SBF2: variants seen among roughly 807,000 people sequenced by gnomAD.
SBF2 encodes myotubularin-related protein 13.
SBF2 carries 112 observed loss-of-function variants against 225.2 expected under a neutral mutation model. The observed-to-expected ratio is 0.50, with a 90% CI of 0.43 to 0.58. SBF2 has a LOEUF of 0.58. SBF2 is among the 20% of genes least tolerant of loss of function. The pLI, the probability that SBF2 is intolerant of heterozygous loss-of-function variation, is 0.00. For synonymous variants in SBF2, 763 were observed against 773.3 expected (o/e 0.99, Z 0.22); for missense variants, 1,996 against 2,206.2 (o/e 0.90, Z 1.91).
At chr11:10,103,235 CAA>C (rs1952388801) in intron 2 of SBF2, among the ~76,000 whole-genome samples, 1 of 151,844 alleles carries the variant, frequency 6.6e-6, no homozygotes, top group Non-Finnish European at 1.5e-5. Context: ...TGATATTTGA[CAA>C]ACTTTCCAAT....
chr11:10,181,743 ATATGAG>A (rs1489198373), intron 2 of SBF2, among the ~76,000 whole-genome samples: 37 of 152,124 alleles, frequency 2.4e-4, no homozygotes, highest in Non-Finnish European at 3.4e-4. Context: ...CAATTAAGAG[ATATGAG>A]TATAATTCCA....
At chr11:10,179,158 C>T (rs1362059101) in intron 2 of SBF2, among the ~76,000 whole-genome samples, 1 of 148,318 alleles carries the variant, frequency 6.7e-6, no homozygotes, top group Non-Finnish European at 1.5e-5. Flanking sequence ...AACAGCTGGA[C>T]ACAGGAAGGG....
At chr11:9,957,803 GATAA>G (rs1384416227) in intron 16 of SBF2, 1 of 151,956 alleles carries the variant, frequency 6.6e-6, no homozygotes, top group Non-Finnish European at 1.5e-5. Context: ...TGTTTTGTGT[GATAA>G]ATAGAGGACC....
intron 17 of SBF2, among the ~76,000 whole-genome samples, chr11:9,860,343 G>T (rs1046654301): frequency 1.3e-4 from 19 of 148,516 alleles, no homozygotes; most frequent in African/African-American, 4.0e-4. Context: ...GCTTACTGCA[G>T]CCTCAACCTC....
rs929805760 is a variant in SBF2 at position 9,856,537 on chromosome 11, C to T, written c.2284G>A (p.Asp762Asn). 27 of 1,613,972 alleles carry T rather than the reference C, an allele frequency of 1.7e-5. No individual in the cohort carries two copies. Among genetic ancestry groups the T allele is most frequent in the Admixed American group, 3.3e-5 (2 of 59,988 alleles). Residue 762 changes from aspartate (D) to asparagine (N), a missense_variant, in exon 19 of 40, where the codon GAC becomes AAC. Coordinates refer to ENST00000256190, the MANE Select transcript of SBF2 (RefSeq NM_030962.4). ...NLMVNLLVPL[D>N]TSKNKLLRTS... is the part of the protein sequence containing the mutation. The stretch of plus-strand genomic sequence containing the variant: ...CTTAGGAGCTTGTTTTTACTTGTGT[C>T]GAGTGGAACTAGCAGGTTCACCATG...
At chr11:9,951,615 C>T (rs1565049263) in intron 16 of SBF2, among the ~76,000 whole-genome samples, 1 of 152,162 alleles carries the variant, frequency 6.6e-6, no homozygotes, top group Non-Finnish European at 1.5e-5. Flanking sequence ...TGTGTGATTT[C>T]AAAAATGTAC....
intron 1 of SBF2, among the ~76,000 whole-genome samples, chr11:10,258,802 T>C (rs1199268469): frequency 1.4e-5 from 2 of 141,820 alleles, no homozygotes; most frequent in South Asian, 2.5e-4. Flanking sequence ...GCAAATAAGA[T>C]ATATCTTTAA....
chr11:9,988,893 C>A (rs1947302596), intron 13 of SBF2, among the ~76,000 whole-genome samples: 1 of 152,190 alleles, frequency 6.6e-6, no homozygotes. Context: ...CCAGCAATCA[C>A]ACTACGGGGT....
intron 2 of SBF2, among the ~76,000 whole-genome samples, chr11:10,151,903 T>A (rs992450383): frequency 6.6e-6 from 1 of 152,224 alleles, no homozygotes; most frequent in African/African-American, 2.4e-5. Context: ...ATTACTGTCA[T>A]CTTCACTAAA....
chr11:9,862,259 G>T (rs1857815187), intron 17 of SBF2, among the ~76,000 whole-genome samples: 1 of 152,216 alleles, frequency 6.6e-6, no homozygotes, highest in African/African-American at 2.4e-5. Context: ...GGAGCACTGT[G>T]TCCCTCAGTG....
intron 1 of SBF2, among the ~76,000 whole-genome samples, chr11:10,286,224 A>C (rs1488139939): frequency 6.6e-6 from 1 of 152,068 alleles, no homozygotes; most frequent in African/African-American, 2.4e-5. Flanking sequence ...TGGATATGTT[A>C]ATTACCTTGA....
At chr11:9,846,768 G>A (rs1291258275) in intron 23 of SBF2, among the ~76,000 whole-genome samples, 188 bp downstream of exon 23, 2 of 152,092 alleles carry the variant, frequency 1.3e-5, no homozygotes, top group African/African-American at 2.4e-5. Flanking sequence ...GTTGGCTAAG[G>A]GGCTCCAGGG....
chr11:10,145,649 T>C (rs1246485311), intron 2 of SBF2, among the ~76,000 whole-genome samples: 1 of 152,216 alleles, frequency 6.6e-6, no homozygotes, highest in Non-Finnish European at 1.5e-5. Context: ...CAGGACTTAA[T>C]ATAACCTTCC....
In SBF2 at chr11:10,107,444, A is replaced by G. The variant is rs185133520; in HGVS notation, c.142-64463T>C. Among the ~76,000 whole-genome samples the G allele has an allele frequency of 2.0e-4, 30 of 152,332 alleles. No homozygotes were observed. In the East Asian group the frequency reaches 4.8e-3, roughly 24 times the overall value. On this transcript the variant is annotated intron_variant, in intron 2 of 39. Coordinates refer to ENST00000256190, the MANE Select transcript of SBF2 (RefSeq NM_030962.4). Reference sequence around the variant, plus strand: ...TATGACTCCATTTAGGTAAAATTCTATACAATACAAACTGATCTTGTATTA... The same window carrying G: ...TATGACTCCATTTAGGTAAAATTCTGTACAATACAAACTGATCTTGTATTA...
intron 2 of SBF2, among the ~76,000 whole-genome samples, chr11:10,133,961 C>A (rs1403253005): frequency 1.3e-5 from 2 of 152,240 alleles, no homozygotes; most frequent in African/African-American, 4.8e-5. Flanking sequence ...ATGATAGGAA[C>A]ATCTTACGTA....
intron 39 of SBF2, 117 bp from the exon 40 acceptor site, chr11:9,780,633 T>C: frequency 1.2e-6 from 1 of 817,238 alleles, no homozygotes; most frequent in Non-Finnish European, 2.1e-6. Context: ...AGAACGTCTG[T>C]ATGAATTTTT....
At chr11:9,817,162 G>T in intron 28 of SBF2, 138 bp from the exon 29 acceptor site, 1 of 848,458 alleles carries the variant, frequency 1.2e-6, no homozygotes, top group Non-Finnish European at 2.0e-6. Flanking sequence ...AAGTCATATG[G>T]TCATTTGCTA....
chr11:10,173,611 C>A (rs1046044959), intron 2 of SBF2, among the ~76,000 whole-genome samples: 5 of 152,208 alleles, frequency 3.3e-5, no homozygotes, highest in Non-Finnish European at 5.9e-5. Context: ...CCCAGGCTTG[C>A]TTAGGTAAAC....
intron 6 of SBF2, among the ~76,000 whole-genome samples, chr11:10,008,383 G>A (rs1948292906): frequency 6.6e-6 from 1 of 152,210 alleles, no homozygotes; most frequent in African/African-American, 2.4e-5. Flanking sequence ...ATATTCAGAG[G>A]AAACTCCAAA....
Sources: allele counts gnomAD v4.1 joint callset (sites outside exome capture counted in the v4.1 genomes callset), GRCh38; gene constraint gnomAD v4.1.1; transcripts MANE v1.5; gene names NCBI Gene and HGNC (gene_info 2026-07-23, HGNC 2026-07-21).